The following SLC12A4 variants were observed in gnomAD, a reference collection of about 807,000 sequenced individuals.
SLC12A4 encodes electroneutral potassium-chloride cotransporter 1.
A neutral mutation model predicts 119.2 loss-of-function variants in SLC12A4; 84 were observed. The observed-to-expected ratio is 0.70, with a 90% CI of 0.59 to 0.85. The LOEUF (loss-of-function observed/expected upper bound fraction) is 0.85, where lower values mean the gene tolerates loss of function less well. SLC12A4 is among the 40% of genes least tolerant of loss of function. The probability of loss-of-function intolerance (pLI) is 0.00; values close to 1 mark genes in which losing one functional copy is unlikely to be tolerated. For missense variants in SLC12A4, 1,298 were observed against 1,476.3 expected (o/e 0.88, Z 1.98); for synonymous variants, 599 against 604.6 (o/e 0.99, Z 0.14).
chr16:67,961,348 C>T (rs1035414548), intron 3 of SLC12A4, among the ~76,000 whole-genome samples: 4 of 152,152 alleles, frequency 2.6e-5, no homozygotes, highest in African/African-American at 4.8e-5. Context: ...GTGTCTCCTG[C>T]TGTCATTCCT....
intron 2 of SLC12A4, chr16:67,962,958 C>T (rs1219077261): frequency 2.0e-5 from 3 of 152,310 alleles, no homozygotes; most frequent in Non-Finnish European, 4.4e-5. Context: ...GATCTCACTG[C>T]TCAGCTTGAG....
At chr16:67,960,415 A>T (rs1230324881) in intron 3 of SLC12A4, among the ~76,000 whole-genome samples, 1 of 152,108 alleles carries the variant, frequency 6.6e-6, no homozygotes, top group African/African-American at 2.4e-5. Context: ...ACCTCAAGGT[A>T]TCAGCTGCCC....
At position 67,949,745 on chromosome 16, in the gene SLC12A4, G is replaced by C. The variant is rs1488116970; in HGVS notation, c.1748+55C>G. 1 of 1,223,202 alleles carries C rather than the reference G, an allele frequency of 8.2e-7. No homozygotes were observed. The highest frequency in any genetic ancestry group is 1.2e-6 in the Non-Finnish European group (1 of 849,990). 75.8% of individuals were successfully genotyped at this position (1,223,202 alleles called of 1,614,324 possible). A position where few individuals can be genotyped will look rare whatever the true frequency, so the allele number is the denominator to read the frequency against. On this transcript the variant is annotated intron_variant, in intron 13 of 23. Transcript: ENST00000316341. The surrounding 1 kb of genome is among the most constrained non-coding windows in gnomAD (Gnocchi z 4.6). ...ACACCAGACGCAGCCACGGGGAGGTGCTGGGGTTCAGGAAGCCTTTCCCCA... is the reference window on the plus strand; with the variant it reads ...ACACCAGACGCAGCCACGGGGAGGTCCTGGGGTTCAGGAAGCCTTTCCCCA...
intron 6 of SLC12A4, among the ~76,000 whole-genome samples, chr16:67,953,899 C>A (rs2030093287): frequency 6.6e-6 from 1 of 152,154 alleles, no homozygotes; most frequent in Non-Finnish European, 1.5e-5. Context: ...GGAGAAGGGA[C>A]AAATCCCACA....
At chr16:67,966,755 G>A in intron 1 of SLC12A4, 1 of 1,551,464 alleles carries the variant, frequency 6.4e-7, no homozygotes, top group Non-Finnish European at 8.7e-7. Context: ...TCACTCACCG[G>A]GGCTCAGGGT....
At chr16:67,958,119 A>C in intron 3 of SLC12A4, 75 bp from the exon 4 acceptor site, 1 of 1,524,200 alleles carries the variant, frequency 6.6e-7, no homozygotes, top group Middle Eastern at 1.8e-4. Flanking sequence ...CTAGTCACTC[A>C]GCAGGCCCCC....
In SLC12A4 at chr16:67,946,067, G is replaced by C. The variant is rs776058654; in HGVS notation, c.2623C>G (p.Arg875Gly). 10 of 1,613,886 alleles carry C rather than the reference G, an allele frequency of 6.2e-6. No individual in the cohort carries two copies. In the South Asian group the frequency reaches 1.1e-4, roughly 18 times the overall value. ...LRQHKVWRKCRMRIFTVAQMD... is the reference protein window; with the variant it reads ...LRQHKVWRKCGMRIFTVAQMD... ...TGGGCCACTGTGAAGATGCGCATCC[G>C]GCACTTCCTCCAGACCTGAGGCAAG... is the stretch of plus-strand genomic sequence containing the variant. The change falls in exon 20 of 24, where the codon CGG (arginine) becomes GGG (glycine). Residue 875 changes from arginine to glycine, a missense_variant. Transcript: ENST00000316341.
At chr16:67,946,132 G>C in intron 19 of SLC12A4, 39 bp downstream of exon 19, 2 of 1,613,072 alleles carry the variant, frequency 1.2e-6, no homozygotes, top group Non-Finnish European at 1.7e-6. Flanking sequence ...CTCCTCCAAG[G>C]GCCTAGCCCC....
chr16:67,947,645 G>A (rs748133823), intron 15 of SLC12A4, 24 bp downstream of exon 15: 2 of 1,588,392 alleles, frequency 1.3e-6, no homozygotes, highest in South Asian at 1.1e-5. Context: ...AGCTGGCAGA[G>A]GCCAGGTGGC....
At chr16:67,965,475 C>A (rs768377426) in intron 1 of SLC12A4, among the ~76,000 whole-genome samples, 30 of 152,198 alleles carry the variant, frequency 2.0e-4, no homozygotes, top group Non-Finnish European at 3.7e-4. Context: ...GTGCTTGCCC[C>A]CTTCCTCTGC....
rs1273979161 is a variant in SLC12A4 at position 67,949,797 on chromosome 16, C to A, written c.1748+3G>T. ...CCCCCTGCCCTGCCCGGCCCCAGCT[C>A]ACATGGATAAGATGGGGGCCACCAT... is the stretch of plus-strand genomic sequence containing the variant. On this transcript the variant is annotated splice_donor_region_variant and intron_variant, in intron 13 of 23. Coordinates refer to ENST00000316341, the MANE Select transcript of SLC12A4 (RefSeq NM_005072.5). This position sits in a 1 kb window ranked among gnomAD's most constrained non-coding sequence, Gnocchi z 4.6. The A allele has an allele frequency of 6.2e-7, 1 of 1,602,854 alleles. No individual in the cohort carries two copies. The highest frequency in any genetic ancestry group is 8.5e-7 in the Non-Finnish European group (1 of 1,171,980).
chr16:67,944,912 CA>C lies in SLC12A4; in HGVS notation c.3185del (p.Val1062GlyfsTer2). ...GDENYMEFLEVLTEGLERVLL... is the reference protein window; with the variant it reads ...GDENYMEFLEXLTEGLERVLL... ...GCACCCGCTCAAGGCCCTCGGTCAGCACCTCGAGGAACTCCATGTCTGCAGG... is the reference window on the plus strand; with the variant it reads ...GCACCCGCTCAAGGCCCTCGGTCAGCCCTCGAGGAACTCCATGTCTGCAGG... On this transcript the variant is annotated frameshift_variant, in exon 24 of 24. Coordinates refer to ENST00000316341, the MANE Select transcript of SLC12A4 (RefSeq NM_005072.5). LOFTEE classifies it high-confidence loss of function. This position sits in a 1 kb window ranked among gnomAD's most constrained non-coding sequence, Gnocchi z 6.6. The C allele has an allele frequency of 6.2e-7, 1 of 1,613,436 alleles. No homozygotes were observed. The highest frequency in any genetic ancestry group is 1.1e-5 in the South Asian group (1 of 91,082).
Position 67,952,273 on chromosome 16 carries a change from A to G in SLC12A4, c.828T>C (p.Phe276=). Residue 276 remains phenylalanine, a synonymous_variant, in exon 7 of 24, where the codon TTT becomes TTC. Coordinates refer to ENST00000316341, the MANE Select transcript of SLC12A4 (RefSeq NM_005072.5). ...VFVGVKYVNK[F]ASLFLACVII... is the part of the protein sequence containing the mutation. ...TCACACAGGCCAGGAAGAGCGAGGC[A>G]AATTTGTTCACATACTTGACCCCCA... The G allele has an allele frequency of 6.2e-7, 1 of 1,614,174 alleles. No individual in the cohort carries two copies. Among genetic ancestry groups the G allele is most frequent in the Non-Finnish European group, 8.5e-7 (1 of 1,180,032 alleles).
At position 67,951,668 on chromosome 16, in the gene SLC12A4, G is replaced by A. The variant is rs1287167058; in HGVS notation, c.1132+155C>T. On this transcript the variant is annotated intron_variant, in intron 8 of 23. Transcript: ENST00000316341. The surrounding 1 kb of genome is among the most constrained non-coding windows in gnomAD (Gnocchi z 5.2). ...GACAGGCTCCACTCACTCCAAACTC[G>A]GCTGCCAGGAGCCAGGCTGGGAGGA... is the stretch of plus-strand genomic sequence containing the variant. 1.3e-5 allele frequency: 9 copies of A among 709,034 alleles called. No individual in the cohort carries two copies. Among genetic ancestry groups the A allele is most frequent in the Non-Finnish European group, 1.9e-5 (8 of 430,370 alleles). The allele number at this position is 709,034 out of a possible 1,614,324, so 43.9% of individuals were successfully genotyped here.
Position 67,950,965 on chromosome 16 carries a change from C to T in SLC12A4, c.1393G>A (p.Val465Met), listed in dbSNP as rs756214692. The T allele has an allele frequency of 8.7e-6, 14 of 1,613,436 alleles. No homozygotes were observed. The highest frequency in any genetic ancestry group is 4.5e-5 in the East Asian group (2 of 44,896). The change falls in exon 10 of 24, where the codon GTG becomes ATG. Residue 465 changes from valine (V) to methionine (M), a missense_variant. Coordinates refer to ENST00000316341, the MANE Select transcript of SLC12A4 (RefSeq NM_005072.5). This position sits in a 1 kb window ranked among gnomAD's most constrained non-coding sequence, Gnocchi z 4.3. ...TILAIITTSLVYFSSVVLFGA... is the reference protein window; with the variant it reads ...TILAIITTSLMYFSSVVLFGA... Reference sequence around the variant, plus strand: ...CCCCAGGCCTGGGAAAGGATACACACGAGGGAAGTTGTAATGATGGCCAGA... The same window carrying T: ...CCCCAGGCCTGGGAAAGGATACACATGAGGGAAGTTGTAATGATGGCCAGA...
chr16:67,947,797 G>T lies in SLC12A4; in HGVS notation c.1848-9C>A. The T allele has an allele frequency of 6.3e-7, 1 of 1,581,190 alleles. No homozygotes were observed. The highest frequency in any genetic ancestry group is 8.6e-7 in the Non-Finnish European group (1 of 1,164,026). On this transcript the variant is annotated splice_polypyrimidine_tract_variant and intron_variant, in intron 14 of 23. Coordinates refer to ENST00000316341, the MANE Select transcript of SLC12A4 (RefSeq NM_005072.5). ...CCAGGAAGGACAGCGCCCTGGACGAGAGGGGAGGGCAGAGTCAGGGCAGGA... is the reference window on the plus strand; with the variant it reads ...CCAGGAAGGACAGCGCCCTGGACGATAGGGGAGGGCAGAGTCAGGGCAGGA...
intron 5 of SLC12A4, among the ~76,000 whole-genome samples, chr16:67,956,282 A>T (rs966967087): frequency 1.3e-5 from 2 of 152,246 alleles, no homozygotes; most frequent in African/African-American, 2.4e-5. Context: ...ATTCATGTTC[A>T]AGGATGTTCA....
Position 67,949,466 on chromosome 16 carries a change from A to G in SLC12A4, c.1748+334T>C. ...ACTCTGTCTCAAAAAAAAAAAACAAAAACCAAAAAACAAACTAACAGATGG... is the reference window on the plus strand; with the variant it reads ...ACTCTGTCTCAAAAAAAAAAAACAAGAACCAAAAAACAAACTAACAGATGG... On this transcript the variant is annotated intron_variant, in intron 13 of 23. Coordinates refer to ENST00000316341, the MANE Select transcript of SLC12A4 (RefSeq NM_005072.5). This position sits in a 1 kb window ranked among gnomAD's most constrained non-coding sequence, Gnocchi z 4.6. 1 of 194,354 alleles carries G rather than the reference A, an allele frequency of 5.1e-6. No individual in the cohort carries two copies. Among genetic ancestry groups the G allele is most frequent in the South Asian group, 1.1e-4 (1 of 9,098 alleles). The allele number at this position is 194,354 out of a possible 1,614,324, so 12.0% of individuals were successfully genotyped here. A position where few individuals can be genotyped will look rare whatever the true frequency, so the allele number is the denominator to read the frequency against.
chr16:67,966,641 A>C lies in SLC12A4; in HGVS notation c.115+1798T>G, dbSNP rs571946396. 71 of 1,380,548 alleles carry C rather than the reference A, an allele frequency of 5.1e-5. No individual in the cohort carries two copies. In the African/African-American group the frequency reaches 8.4e-4, roughly 16 times the overall value. The allele number at this position is 1,380,548 out of a possible 1,614,324, so 85.5% of individuals were successfully genotyped here. A position where few individuals can be genotyped will look rare whatever the true frequency, so the allele number is the denominator to read the frequency against. On this transcript the variant is annotated intron_variant, in intron 1 of 23. Transcript: ENST00000316341. ...GAGCAAGCCCATCTAGGCCTCCCAG[A>C]GCAGAGGTGTGGGCACTGAACTGGG...
Sources: gnomAD v4.1 joint callset for allele counts (sites outside exome capture counted in the v4.1 genomes callset) on GRCh38, gnomAD v4.1.1 for gene constraint, Gnocchi (gnomAD v3.1) non-coding constraint, MANE v1.5 for transcripts, NCBI Gene and HGNC (gene_info 2026-07-23, HGNC 2026-07-21) for gene names.